Variants in IQSEC3 observed in about 807,000 individuals in gnomAD.
The protein encoded by IQSEC3 is IQ motif and SEC7 domain-containing protein 3.
In IQSEC3, 50 loss-of-function variants were observed where a neutral mutation model predicts 105.4. That is an observed-to-expected ratio of 0.47 (90% confidence interval 0.38 to 0.60). The LOEUF (loss-of-function observed/expected upper bound fraction) is 0.60, where lower values mean the gene tolerates loss of function less well. Among genes scored for constraint, IQSEC3 ranks in the 20% least tolerant of loss-of-function variants. The pLI is 0.00. For missense variants in IQSEC3, 1,415 were observed against 1,630.0 expected (o/e 0.87, Z 2.27); for synonymous variants, 708 against 746.0 (o/e 0.95, Z 0.83).
At chr12:87,853 T>C (rs954969898) in intron 1 of IQSEC3, among the ~76,000 whole-genome samples, 4 of 152,220 alleles carry the variant, frequency 2.6e-5, no homozygotes, top group Admixed American at 1.3e-4. Flanking sequence ...GTATTAGCCG[T>C]GTTCTGTTGT....
intron 2 of IQSEC3, among the ~76,000 whole-genome samples, chr12:99,605 C>T (rs1387060507): frequency 2.6e-5 from 4 of 152,264 alleles, no homozygotes; most frequent in Admixed American, 2.6e-4. Flanking sequence ...CTTCCTCTTA[C>T]ATCAAGGATT....
chr12:103,692 TG>T (rs1386605224), intron 2 of IQSEC3, among the ~76,000 whole-genome samples: 1 of 584 alleles, frequency 1.7e-3, no homozygotes, highest in Non-Finnish European at 2.7e-3. Flanking sequence ...CAGGGGTAGG[TG>T]GGGGCTCAGG....
intron 1 of IQSEC3, among the ~76,000 whole-genome samples, chr12:84,235 A>G (rs1863844983): frequency 6.6e-6 from 1 of 152,142 alleles, no homozygotes; most frequent in East Asian, 1.9e-4. Context: ...CCCGTGGCCC[A>G]CTCATCTCAG....
intron 2 of IQSEC3, among the ~76,000 whole-genome samples, chr12:124,673 A>T (rs1000005973): frequency 5.3e-5 from 8 of 152,202 alleles, no homozygotes; most frequent in African/African-American, 1.9e-4. Flanking sequence ...GACAGCTCCT[A>T]GTGTTCCAGG....
intron 1 of IQSEC3, among the ~76,000 whole-genome samples, chr12:82,816 T>C (rs1863790264): frequency 6.6e-6 from 1 of 152,218 alleles, no homozygotes; most frequent in African/African-American, 2.4e-5. Flanking sequence ...GCAGTGCTCC[T>C]AGCCTCTACT....
At chr12:108,941 G>T (rs1864776676) in intron 2 of IQSEC3, among the ~76,000 whole-genome samples, 2 of 152,204 alleles carry the variant, frequency 1.3e-5, no homozygotes, top group African/African-American at 2.4e-5. Flanking sequence ...AACTGCAAAG[G>T]GTCCCAGGTT....
At chr12:94,367 A>G (rs1864181560) in intron 1 of IQSEC3, among the ~76,000 whole-genome samples, 1 of 152,220 alleles carries the variant, frequency 6.6e-6, no homozygotes, top group African/African-American at 2.4e-5. Flanking sequence ...CCAGGTCAGG[A>G]AACTTAGACC....
rs548699639 is a variant in IQSEC3, at chr12:170,990, G to A, written c.3065-122G>A. On this transcript the variant is annotated intron_variant, in intron 12 of 13. Transcript: ENST00000538872. ...TGGCAGAGTGGGGCTCCCAACCTCC[G>A]CCTCAGTGAGGAGCAGTGTGACCCC... 67 of 1,208,220 alleles carry A rather than the reference G, an allele frequency of 5.5e-5. 2 individuals carry two copies. Among genetic ancestry groups the A allele is most frequent in the South Asian group, 4.2e-4 (32 of 76,656 alleles). The allele number at this position is 1,208,220 out of a possible 1,614,324, so 74.8% of individuals were successfully genotyped here. A position where few individuals can be genotyped will look rare whatever the true frequency, so the allele number is the denominator to read the frequency against.
chr12:122,019 G>T lies in IQSEC3; in HGVS notation c.624-3614G>T, dbSNP rs895194387. Among the ~76,000 whole-genome samples, 2 of 152,288 alleles carry T rather than the reference G, an allele frequency of 1.3e-5. 1 individual carries two copies. The highest frequency in any genetic ancestry group is 3.9e-4 in the East Asian group (2 of 5,184). On this transcript the variant is annotated intron_variant, in intron 2 of 13. Transcript: ENST00000538872. ...ACGATGTTATCTTCAACATTGCCAC[G>T]TTGAGAACAGTCCAGGGGTTTTGTG...
rs576799456 is a variant in IQSEC3 at position 71,287 on chromosome 12, G to A, written c.554+3851G>A. Among the ~76,000 whole-genome samples the A allele has an allele frequency of 1.0e-4, 16 of 152,390 alleles. No individual in the cohort carries two copies. In the South Asian group the frequency reaches 3.1e-3, roughly 30 times the overall value. ...CCTGGAAACTATTAAGAAAGAAAGT[G>A]TGAAGGTCTGTCAGTCAACTATATG... is the stretch of plus-strand genomic sequence containing the variant. On this transcript the variant is annotated intron_variant, in intron 1 of 13. Coordinates refer to ENST00000538872, the MANE Select transcript of IQSEC3 (RefSeq NM_001170738.2).
At chr12:79,586 A>G (rs1863675700) in intron 1 of IQSEC3, among the ~76,000 whole-genome samples, 1 of 151,970 alleles carries the variant, frequency 6.6e-6, no homozygotes, top group Non-Finnish European at 1.5e-5. Flanking sequence ...ATGCATCACG[A>G]CACCTGACTA....
chr12:172,104 C>T (rs1329348024), intron 13 of IQSEC3, among the ~76,000 whole-genome samples: 2 of 152,164 alleles, frequency 1.3e-5, no homozygotes, highest in Non-Finnish European at 2.9e-5. Flanking sequence ...CAACCCTAAC[C>T]TCGACCCGGA....
At chr12:145,369 G>T (rs560619991) in intron 5 of IQSEC3, among the ~76,000 whole-genome samples, 41 of 152,292 alleles carry the variant, frequency 2.7e-4, no homozygotes, top group Admixed American at 3.3e-4. Context: ...GAACTCCCGG[G>T]CCCAAGTGCT....
Position 125,671 on chromosome 12 carries a change from A to G in IQSEC3, c.662A>G (p.Asp221Gly), listed in dbSNP as rs1407699430. The change falls in exon 3 of 14, where the codon GAC (aspartate) becomes GGC (glycine). Residue 221 changes from aspartate to glycine, a missense_variant. Asp to Gly is a moderately conservative substitution (Grantham distance 94, BLOSUM62 -1). Around this residue, in one of 6 missense-constraint regions of IQSEC3, gnomAD observed 720 missense variants for 633.0 expected, o/e 1.14. Coordinates refer to ENST00000538872, the MANE Select transcript of IQSEC3 (RefSeq NM_001170738.2). ...ACCCAGGCCGGTGGGGGCATGGAGG[A>G]CTCCGTGGTGGCAGCGGCGGCGGTG... ...SCTQAGGGMEDSVVAAAAVAA... is the reference protein window; with the variant it reads ...SCTQAGGGMEGSVVAAAAVAA... The G allele has an allele frequency of 1.9e-6, 3 of 1,538,852 alleles. No individual in the cohort carries two copies. Among genetic ancestry groups the G allele is most frequent in the Admixed American group, 1.9e-5 (1 of 51,692 alleles).
At chr12:146,476 C>T (rs1555091079) in intron 5 of IQSEC3, among the ~76,000 whole-genome samples, 1 of 152,006 alleles carries the variant, frequency 6.6e-6, no homozygotes, top group Non-Finnish European at 1.5e-5. Flanking sequence ...GACCTCATCT[C>T]TACAAAAAAA....
chr12:100,701 T>C (rs962269082), intron 2 of IQSEC3, among the ~76,000 whole-genome samples: 1 of 152,000 alleles, frequency 6.6e-6, no homozygotes, highest in Non-Finnish European at 1.5e-5. Flanking sequence ...CCTGGGGACA[T>C]AAAAGCACAT....
At chr12:102,305 C>T (rs1864452438) in intron 2 of IQSEC3, among the ~76,000 whole-genome samples, 1 of 152,214 alleles carries the variant, frequency 6.6e-6, no homozygotes, top group South Asian at 2.1e-4. Context: ...CAGCAGTTGG[C>T]CTCCATAGGA....
At chr12:111,424 G>A (rs1288838404) in intron 2 of IQSEC3, among the ~76,000 whole-genome samples, 2 of 152,168 alleles carry the variant, frequency 1.3e-5, no homozygotes, top group Admixed American at 1.3e-4. Flanking sequence ...TTGGGGGAAT[G>A]TCAGAAGGGT....
rs1866715956 is a variant in IQSEC3 at position 157,105 on chromosome 12, A to G, written c.2234A>G (p.Gln745Arg). 1.2e-6 allele frequency: 2 copies of G among 1,601,502 alleles called. No individual in the cohort carries two copies. Among genetic ancestry groups the G allele is most frequent in the Non-Finnish European group, 1.7e-6 (2 of 1,173,870 alleles). Reference protein sequence around the residue: ...LRKFQAHIRVQGEAQKVERLI... With the variant: ...LRKFQAHIRVRGEAQKVERLI... Reference sequence around the variant, plus strand: ...AAGTTCCAGGCACACATCCGTGTGCAGGGGGAGGCTCAGAAGGTGGAGCGG... The same window carrying G: ...AAGTTCCAGGCACACATCCGTGTGCGGGGGGAGGCTCAGAAGGTGGAGCGG... The change falls in exon 6 of 14, where the codon CAG (glutamine) becomes CGG (arginine). Residue 745 changes from glutamine to arginine, a missense_variant. Transcript: ENST00000538872.
Sources: gnomAD v4.1 joint callset for allele counts (sites outside exome capture counted in the v4.1 genomes callset) on GRCh38, gnomAD v4.1.1 for gene constraint, gnomAD v4.1.1 regional missense constraint, MANE v1.5 for transcripts, NCBI Gene and HGNC (gene_info 2026-07-23, HGNC 2026-07-21) for gene names.